DST: variants seen among roughly 807,000 people sequenced by gnomAD.
DST encodes the protein bullous pemphigoid antigen.
A neutral mutation model predicts 875.2 loss-of-function variants in DST; 253 were observed. The observed-to-expected ratio is 0.29, with a 90% CI of 0.26 to 0.32. The LOEUF (loss-of-function observed/expected upper bound fraction) is 0.32, where lower values mean the gene tolerates loss of function less well. DST is among the 10% of genes least tolerant of loss of function. The pLI, the probability that DST is intolerant of heterozygous loss-of-function variation, is 1.00. For missense variants in DST, 8,287 were observed against 9,111.6 expected (o/e 0.91, Z 3.68); for synonymous variants, 3,124 against 3,197.1 (o/e 0.98, Z 0.77).
At chr6:56,560,461 CA>C in intron 57 of DST, 38 bp from the exon 58 acceptor site, 1 of 1,543,138 alleles carries the variant, frequency 6.5e-7, no homozygotes, top group African/African-American at 1.4e-5. Flanking sequence ...ATGTGTACAG[CA>C]AAAGACAAAA....
intron 9 of DST, among the ~76,000 whole-genome samples, chr6:56,698,564 A>T (rs62412532): frequency 0.14 from 21,611 of 152,152 alleles, 2,097 homozygotes; most frequent in Non-Finnish European, 0.22. Context: ...TGACCTCATG[A>T]TCCACTCGCC....
intron 5 of DST, among the ~76,000 whole-genome samples, chr6:56,724,844 T>C (rs1458270750): frequency 1.3e-5 from 2 of 152,208 alleles, no homozygotes; most frequent in Non-Finnish European, 2.9e-5. Flanking sequence ...GGCAATATTA[T>C]GACTCAAATA....
chr6:56,905,026 GAT>G (rs1795765345), intron 2 of DST, among the ~76,000 whole-genome samples: 1 of 152,182 alleles, frequency 6.6e-6, no homozygotes, highest in South Asian at 2.1e-4. Context: ...CTGACCTCAT[GAT>G]CTGCCCACCT....
Position 56,607,767 on chromosome 6 carries a change from A to T in DST, c.6861T>A (p.Pro2287=). The part of the protein sequence containing the change: ...SSFNKCHCGE[P]EHEETPENRK... ...TATTTTCAGGAGTCTCTTCATGTTC[A>T]GGTTCTCCACAGTGACATTTATTGA... Residue 2287 remains proline, a synonymous_variant, in exon 40 of 104, where the codon CCT becomes CCA. Coordinates refer to ENST00000680361, the MANE Select transcript of DST (RefSeq NM_001374736.1). The T allele has an allele frequency of 3.1e-6, 5 of 1,613,430 alleles. No individual in the cohort carries two copies. The highest frequency in any genetic ancestry group is 4.2e-6 in the Non-Finnish European group (5 of 1,179,678).
rs1291477986 is a variant in DST at position 56,463,637 on chromosome 6, G to A, written c.22887C>T (p.Asn7629=). The A allele has an allele frequency of 1.9e-6, 3 of 1,613,902 alleles. No individual in the cohort carries two copies. Among genetic ancestry groups the A allele is most frequent in the Non-Finnish European group, 2.5e-6 (3 of 1,179,826 alleles). The change falls in exon 101 of 104, where the codon AAC becomes AAT. Residue 7629 remains asparagine (N), a synonymous_variant. Transcript: ENST00000680361. ...SRPSSRGASP[N]RSTSVSSQAA... is the part of the protein sequence containing the mutation. ...CCTGACTGGACACAGAAGTGGATCT[G>A]TTGGGTGAAGCGCCTCGTGATGATG...
intron 9 of DST, among the ~76,000 whole-genome samples, chr6:56,698,987 A>G (rs1236995645): frequency 6.6e-6 from 1 of 152,210 alleles, no homozygotes; most frequent in Admixed American, 6.5e-5. Context: ...TAGTAGCAGA[A>G]CATTTCTTAA....
rs757995863 is a variant in DST, at chr6:56,597,911, C to T, written c.12024G>A (p.Gly4008=). Residue 4008 remains glycine (G), a synonymous_variant, in exon 47 of 104, where the codon GGG becomes GGA. Coordinates refer to ENST00000680361, the MANE Select transcript of DST (RefSeq NM_001374736.1). The stretch of plus-strand genomic sequence containing the variant: ...GTTCGATTACCTGTTTGTGTTTTGT[C>T]CCTGCCCTTTCTGAGTCTTTGTCAA... The part of the protein sequence containing the change: ...SNVDKDSERA[G]TKHKQVIEQN... 6.2e-7 allele frequency: 1 copy of T among 1,613,550 alleles called. No individual in the cohort carries two copies. Among genetic ancestry groups the T allele is most frequent in the Non-Finnish European group, 8.5e-7 (1 of 1,179,750 alleles).
At chr6:56,871,923 A>C (rs561711972) in intron 3 of DST, among the ~76,000 whole-genome samples, 1 of 152,328 alleles carries the variant, frequency 6.6e-6, no homozygotes, top group African/African-American at 2.4e-5. Flanking sequence ...TGTGTTGAAA[A>C]GAACGTGGCT....
intron 30 of DST, 139 bp from the exon 31 acceptor site, chr6:56,630,522 A>AT (rs1358080820): frequency 1.9e-5 from 15 of 808,174 alleles, no homozygotes; most frequent in Middle Eastern, 7.1e-4. Context: ...TGAAACTGAC[A>AT]TTTTTCTGGC....
intron 8 of DST, among the ~76,000 whole-genome samples, chr6:56,701,480 A>C (rs1281020694): frequency 6.6e-6 from 1 of 151,462 alleles, no homozygotes; most frequent in Non-Finnish European, 1.5e-5. Flanking sequence ...GTATTATATA[A>C]AGTATTTTTA....
intron 78 of DST, among the ~76,000 whole-genome samples, chr6:56,502,645 C>T (rs1038158270): frequency 7.2e-5 from 11 of 151,882 alleles, no homozygotes; most frequent in East Asian, 1.9e-4. Flanking sequence ...CTGACCTATA[C>T]GAAAATAACC....
chr6:56,603,872 TA>T lies in DST; in HGVS notation c.10755del (p.Glu3587ArgfsTer30). 1 of 1,611,712 alleles carries T rather than the reference TA, an allele frequency of 6.2e-7. No homozygotes were observed. Among genetic ancestry groups the T allele is most frequent in the Non-Finnish European group, 8.5e-7 (1 of 1,178,782 alleles). On this transcript the variant is annotated frameshift_variant, in exon 40 of 104. Coordinates refer to ENST00000680361, the MANE Select transcript of DST (RefSeq NM_001374736.1). LOFTEE classifies it high-confidence loss of function. ...FPSHLECTSG[S>X]KEMASGDSST... ...GAGCTATCTCCAGAAGCCATCTCTT[TA>T]GACCCTGAAGTACATTCCAAATGGC...
chr6:56,741,010 C>T (rs1300190016), intron 4 of DST, among the ~76,000 whole-genome samples: 1 of 151,876 alleles, frequency 6.6e-6, no homozygotes, highest in Non-Finnish European at 1.5e-5. Context: ...CTATTTTCTT[C>T]TTGGGTAAAA....
chr6:56,549,598 A>C (rs4712133), intron 61 of DST, among the ~76,000 whole-genome samples: 105,154 of 152,036 alleles, frequency 0.69, 36,678 homozygotes, highest in East Asian at 0.8. Context: ...GATCACTGGA[A>C]TCTCCACCAT....
At chr6:56,752,096 T>TA (rs1589646657) in intron 4 of DST, among the ~76,000 whole-genome samples, 1 of 151,846 alleles carries the variant, frequency 6.6e-6, no homozygotes, top group African/African-American at 2.4e-5. Flanking sequence ...TTTTTTTTTT[T>TA]AATGGGCCAG....
intron 92 of DST, 122 bp downstream of exon 92, chr6:56,476,027 G>T: frequency 1.2e-6 from 1 of 857,050 alleles, no homozygotes; most frequent in Non-Finnish European, 1.7e-6. Flanking sequence ...GTTGTAAGGA[G>T]CTGAGGAGTC....
chr6:56,587,315 T>C (rs998514062), intron 49 of DST, among the ~76,000 whole-genome samples: 14 of 152,018 alleles, frequency 9.2e-5, no homozygotes, highest in African/African-American at 3.1e-4. Flanking sequence ...GTATCAGCGA[T>C]GGAAGATGAA....
intron 9 of DST, among the ~76,000 whole-genome samples, chr6:56,682,432 C>T (rs999332737): frequency 2.0e-5 from 3 of 151,538 alleles, no homozygotes; most frequent in African/African-American, 7.3e-5. Flanking sequence ...TACCAACAAC[C>T]AAAAAACCCT....
chr6:56,492,474 A>G (rs1434369070), intron 84 of DST, 41 bp from the exon 85 acceptor site: 1 of 1,558,816 alleles, frequency 6.4e-7, no homozygotes, highest in South Asian at 1.2e-5. Context: ...ACAAATGAAA[A>G]TCAGATCAAT....
Sources: allele counts gnomAD v4.1 joint callset (sites outside exome capture counted in the v4.1 genomes callset), GRCh38; gene constraint gnomAD v4.1.1; transcripts MANE v1.5; gene names NCBI Gene and HGNC (gene_info 2026-07-23, HGNC 2026-07-21).